Variants in DCTN4 observed in about 807,000 individuals in gnomAD.
DCTN4 encodes the protein dynactin 4 (p62).
DCTN4 carries 23 observed loss-of-function variants against 62.7 expected under a neutral mutation model. That is an observed-to-expected ratio of 0.37 (90% CI 0.26 to 0.52). DCTN4 has a LOEUF of 0.52. Ranked by LOEUF, DCTN4 falls within the 20% of genes least tolerant of loss-of-function variation. The pLI, the probability that DCTN4 is intolerant of heterozygous loss-of-function variation, is 0.92. For synonymous variants in DCTN4, 199 were observed against 202.1 expected, an observed-to-expected ratio of 0.98 and a Z score of 0.13; for missense variants, 514 against 580.4, an observed-to-expected ratio of 0.89 and a Z score of 1.18.
chr5:150,718,900 C>T (rs1019337366), intron 10 of DCTN4, among the ~76,000 whole-genome samples: 1 of 152,046 alleles, frequency 6.6e-6, no homozygotes, highest in African/African-American at 2.4e-5. Flanking sequence ...CTCACTGCAG[C>T]CTCAACCTCC....
At chr5:150,715,757 G>A in intron 11 of DCTN4, 95 bp from the exon 12 acceptor site, 1 of 960,524 alleles carries the variant, frequency 1.0e-6, no homozygotes, top group Non-Finnish European at 1.6e-6. Context: ...GAAGCACACA[G>A]CAAGTTTCAG....
At chr5:150,713,751 AT>A (rs1419161078) in intron 12 of DCTN4, among the ~76,000 whole-genome samples, 3 of 151,558 alleles carry the variant, frequency 2.0e-5, no homozygotes, top group Non-Finnish European at 4.4e-5. Context: ...GCTTCACTTT[AT>A]TTTTCTAACC....
chr5:150,754,733 G>A (rs781004940), intron 2 of DCTN4, among the ~76,000 whole-genome samples: 1 of 152,176 alleles, frequency 6.6e-6, no homozygotes, highest in African/African-American at 2.4e-5. Flanking sequence ...TTTGGGCCAA[G>A]GCAGGTGAAG....
intron 2 of DCTN4, 46 bp downstream of exon 2, chr5:150,756,371 C>G: frequency 7.3e-7 from 1 of 1,371,770 alleles, no homozygotes; most frequent in Non-Finnish European, 1.0e-6. Flanking sequence ...TTTTAGAGAA[C>G]AGTCAAGGAA....
chr5:150,741,164 C>CAAAA lies in DCTN4; in HGVS notation c.429+946_429+949dup, dbSNP rs754641920. Among the ~76,000 whole-genome samples, 101 of 58,338 alleles carry CAAAA rather than the reference C, an allele frequency of 1.7e-3. 4 individuals carry two copies. Among genetic ancestry groups the CAAAA allele is most frequent in the African/African-American group, 4.4e-3 (81 of 18,398 alleles). The allele number at this position is 58,338 out of a possible 152,430, so 38.3% of individuals were successfully genotyped here. A position where few individuals can be genotyped will look rare whatever the true frequency, so the allele number is the denominator to read the frequency against. The stretch of plus-strand genomic sequence containing the variant: ...TGGGTGACAGAGTGAGATCCTGTCT[C>CAAAA]AAAAAAAAAAAAAAAAAAAAAGTTC... On this transcript the variant is annotated intron_variant, in intron 4 of 12. Transcript: ENST00000447998.
Position 150,713,733 on chromosome 5 carries a change from C to CA in DCTN4, c.1169+1831dup, listed in dbSNP as rs1759656424. Among the ~76,000 whole-genome samples, 6 of 152,050 alleles carry CA rather than the reference C, an allele frequency of 3.9e-5. No homozygotes were observed. The South Asian group carries it at 1.2e-3, about 32-fold the overall frequency. On this transcript the variant is annotated intron_variant, in intron 12 of 12. Coordinates refer to ENST00000447998, the MANE Select transcript of DCTN4 (RefSeq NM_016221.4). ...TGCTGGGATTACAGGCATCAGCCACCACACCTGGCTTCACTTTATTTTTCT... is the reference window on the plus strand; with the variant it reads ...TGCTGGGATTACAGGCATCAGCCACCAACACCTGGCTTCACTTTATTTTTCT...
chr5:150,718,538 C>A (rs1436838577), intron 10 of DCTN4, among the ~76,000 whole-genome samples, 155 bp from the exon 11 acceptor site: 1 of 152,218 alleles, frequency 6.6e-6, no homozygotes, highest in African/African-American at 2.4e-5. Flanking sequence ...TTACTGATCC[C>A]TGTTCTATTA....
intron 9 of DCTN4, among the ~76,000 whole-genome samples, chr5:150,720,521 C>T (rs1021632932): frequency 5.4e-4 from 81 of 151,390 alleles, no homozygotes; most frequent in African/African-American, 2.0e-3. Flanking sequence ...TGCTGTCACC[C>T]AGGCTGGAGT....
At chr5:150,719,802 C>T (rs751165171) in intron 9 of DCTN4, 32 bp from the exon 10 acceptor site, 1 of 1,366,906 alleles carries the variant, frequency 7.3e-7, no homozygotes, top group South Asian at 1.2e-5. Flanking sequence ...CATTAATGTT[C>T]ATTGGAGTCT....
At chr5:150,745,034 T>A (rs2072146197) in intron 3 of DCTN4, among the ~76,000 whole-genome samples, 1 of 150,622 alleles carries the variant, frequency 6.6e-6, no homozygotes, top group Non-Finnish European at 1.5e-5. Flanking sequence ...GTGTGCTGTA[T>A]TCAGGAAACC....
chr5:150,741,922 C>T (rs967572442), intron 4 of DCTN4, among the ~76,000 whole-genome samples, 192 bp downstream of exon 4: 2 of 152,214 alleles, frequency 1.3e-5, no homozygotes, highest in African/African-American at 2.4e-5. Flanking sequence ...TAGGATTCTC[C>T]ATTATCTTAA....
intron 8 of DCTN4, among the ~76,000 whole-genome samples, chr5:150,725,034 T>C (rs1214451340): frequency 6.6e-6 from 1 of 151,442 alleles, no homozygotes; most frequent in African/African-American, 2.4e-5. Context: ...GGCGGGCGCC[T>C]GTAGTCCCAG....
chr5:150,740,909 G>A (rs1760744200), intron 4 of DCTN4, among the ~76,000 whole-genome samples: 1 of 152,166 alleles, frequency 6.6e-6, no homozygotes, highest in African/African-American at 2.4e-5. Flanking sequence ...GGAAAGCTGG[G>A]AAGGGGGTGA....
intron 2 of DCTN4, among the ~76,000 whole-genome samples, chr5:150,753,873 T>C (rs1025428263): frequency 6.6e-6 from 1 of 152,230 alleles, no homozygotes; most frequent in Admixed American, 6.5e-5. Context: ...AACCCAATCC[T>C]ACTCCACAGA....
chr5:150,731,289 T>TGAAA, intron 6 of DCTN4, 127 bp downstream of exon 6: 1 of 1,021,558 alleles, frequency 9.8e-7, no homozygotes, highest in Non-Finnish European at 1.5e-6. Flanking sequence ...AGCGTAGGTC[T>TGAAA]TTTCTAAGTA....
chr5:150,727,814 C>A (rs1760210918), intron 8 of DCTN4, among the ~76,000 whole-genome samples: 1 of 148,114 alleles, frequency 6.8e-6, no homozygotes, highest in African/African-American at 2.5e-5. Context: ...ACCCAATAAG[C>A]TTCCTGATGA....
At chr5:150,752,446 G>A (rs1752710300) in intron 3 of DCTN4, among the ~76,000 whole-genome samples, 1 of 152,136 alleles carries the variant, frequency 6.6e-6, no homozygotes, top group Non-Finnish European at 1.5e-5. Context: ...TTGAGCACAT[G>A]TTTGAATGCT....
chr5:150,745,132 G>T (rs1760913368), intron 3 of DCTN4, among the ~76,000 whole-genome samples: 1 of 150,468 alleles, frequency 6.6e-6, no homozygotes, highest in Non-Finnish European at 1.5e-5. Context: ...AAAGGCAGGG[G>T]TTGCAATCCT....
chr5:150,727,660 C>T (rs1468650102), intron 8 of DCTN4, among the ~76,000 whole-genome samples: 1 of 151,166 alleles, frequency 6.6e-6, no homozygotes, highest in Non-Finnish European at 1.5e-5. Flanking sequence ...CCTGTAGTCC[C>T]AGCTACTCGG....
Sources: gnomAD v4.1 joint callset for allele counts (sites outside exome capture counted in the v4.1 genomes callset) on GRCh38, gnomAD v4.1.1 for gene constraint, MANE v1.5 for transcripts, NCBI Gene and HGNC (gene_info 2026-07-23, HGNC 2026-07-21) for gene names.